The following CDH12 variants were observed in gnomAD, a reference collection of about 807,000 sequenced individuals.
The protein encoded by CDH12 is cadherin 12.
CDH12 carries 41 observed loss-of-function variants against 74.1 expected under a neutral mutation model. That is an observed-to-expected ratio of 0.55 (90% CI 0.43 to 0.72). CDH12 has a LOEUF of 0.72. Ranked by LOEUF, CDH12 falls within the 30% of genes least tolerant of loss-of-function variation. The pLI, the probability that CDH12 is intolerant of heterozygous loss-of-function variation, is 0.00. For missense variants in CDH12, 945 were observed against 977.2 expected (o/e 0.97, Z 0.44); for synonymous variants, 399 against 355.0 (o/e 1.12, Z -1.39).
intron 3 of CDH12, among the ~76,000 whole-genome samples, chr5:22,394,915 T>G (rs796126243): frequency 6.6e-6 from 1 of 152,126 alleles, no homozygotes; most frequent in South Asian, 2.1e-4. Context: ...GGATTTAGAC[T>G]TCCAAGTATG....
At chr5:22,831,350 T>TG (rs1491255386) in intron 1 of CDH12, among the ~76,000 whole-genome samples, 6,279 of 128,542 alleles carry the variant, frequency 0.049, 248 homozygotes, top group Admixed American at 0.13. Context: ...GGTTTTGGAG[T>TG]TTGTGTGTGT....
intron 9 of CDH12, among the ~76,000 whole-genome samples, chr5:21,812,860 G>T (rs1747826721): frequency 6.6e-6 from 1 of 152,038 alleles, no homozygotes; most frequent in Non-Finnish European, 1.5e-5. Context: ...TTAGCATAGG[G>T]GATTGCCTCT....
chr5:22,031,510 C>G (rs1240350034), intron 5 of CDH12, among the ~76,000 whole-genome samples: 2 of 152,132 alleles, frequency 1.3e-5, no homozygotes, highest in Admixed American at 6.6e-5. Context: ...TTTGCACTCA[C>G]AAGTTGGCTG....
chr5:22,610,959 C>A (rs777841497), intron 1 of CDH12, among the ~76,000 whole-genome samples: 1 of 152,064 alleles, frequency 6.6e-6, no homozygotes, highest in Admixed American at 6.6e-5. Context: ...CAACATGACA[C>A]TGAATTCAAA....
At chr5:22,026,305 C>T (rs1040573509) in intron 5 of CDH12, among the ~76,000 whole-genome samples, 1 of 152,114 alleles carries the variant, frequency 6.6e-6, no homozygotes, top group Non-Finnish European at 1.5e-5. Flanking sequence ...CTAATAAAGA[C>T]GGACTGCAGA....
At chr5:22,038,928 C>T (rs1348056336) in intron 5 of CDH12, among the ~76,000 whole-genome samples, 1 of 152,142 alleles carries the variant, frequency 6.6e-6, no homozygotes, top group Non-Finnish European at 1.5e-5. Flanking sequence ...ATTGGAGCTG[C>T]ACTGGCTTCC....
rs148585144 is a variant in CDH12, at chr5:22,305,605, T to G, written c.-332-92962A>C. On this transcript the variant is annotated intron_variant, in intron 3 of 14. Transcript: ENST00000382254. ...ATCTCCTCTATGATCAGTCACTGAATGCAGGCCGCCCTAGGGAAGGGCATA... is the reference window on the plus strand; with the variant it reads ...ATCTCCTCTATGATCAGTCACTGAAGGCAGGCCGCCCTAGGGAAGGGCATA... Among the ~76,000 whole-genome samples, 13 of 152,210 alleles carry G rather than the reference T, an allele frequency of 8.5e-5. No individual in the cohort carries two copies. The East Asian group carries it at 1.9e-3, about 23-fold the overall frequency.
chr5:22,339,564 T>C (rs1169261082), intron 3 of CDH12, among the ~76,000 whole-genome samples: 2 of 152,296 alleles, frequency 1.3e-5, no homozygotes, highest in Middle Eastern at 3.4e-3. Context: ...GAGAGAGATT[T>C]TTAGGGAACA....
chr5:22,020,080 T>A (rs997178771), intron 5 of CDH12, among the ~76,000 whole-genome samples: 1 of 152,176 alleles, frequency 6.6e-6, no homozygotes, highest in African/African-American at 2.4e-5. Context: ...AGTAGTTTGA[T>A]CTGATTAGAG....
intron 1 of CDH12, among the ~76,000 whole-genome samples, chr5:22,585,309 A>T (rs1740327833): frequency 6.6e-6 from 1 of 152,118 alleles, no homozygotes; most frequent in Non-Finnish European, 1.5e-5. Flanking sequence ...TTTTCTTGCT[A>T]TTTAAAAGAT....
Position 22,710,869 on chromosome 5 carries a change from C to A in CDH12, c.-523+142189G>T, listed in dbSNP as rs370061776. The stretch of plus-strand genomic sequence containing the variant: ...CATACAAAAATAGATTCGTGATGAC[C>A]TTATAGGATTCTTGTGAGGGTTCAA... On this transcript the variant is annotated intron_variant, in intron 1 of 14. Transcript: ENST00000382254. Among the ~76,000 whole-genome samples, 130 of 152,062 alleles carry A rather than the reference C, an allele frequency of 8.5e-4. 6 individuals are homozygous for A. In the South Asian group the frequency reaches 0.026, roughly 30 times the overall value.
At chr5:22,485,278 C>G (rs1004720418) in intron 2 of CDH12, among the ~76,000 whole-genome samples, 1 of 152,096 alleles carries the variant, frequency 6.6e-6, no homozygotes, top group Non-Finnish European at 1.5e-5. Flanking sequence ...AATTCCTGGG[C>G]TCAAGTGATC....
chr5:22,233,973 A>C lies in CDH12; in HGVS notation c.-332-21330T>G, dbSNP rs944161980. Among the ~76,000 whole-genome samples the C allele has an allele frequency of 2.0e-5, 3 of 152,284 alleles. No individual in the cohort carries two copies. The East Asian group carries it at 5.8e-4, about 29-fold the overall frequency. On this transcript the variant is annotated intron_variant, in intron 3 of 14. Transcript: ENST00000382254. The stretch of plus-strand genomic sequence containing the variant: ...TTAACTTATTATTATGATCAATTTG[A>C]ATTAGTTTATATAAAACAAAGGGCT...
intron 3 of CDH12, among the ~76,000 whole-genome samples, chr5:22,216,567 A>G (rs942860986): frequency 6.6e-6 from 1 of 151,870 alleles, no homozygotes; most frequent in African/African-American, 2.4e-5. Flanking sequence ...CTAATAACAA[A>G]TTGATCTTGC....
chr5:22,762,796 T>G (rs1179171158), intron 1 of CDH12, among the ~76,000 whole-genome samples: 1 of 152,032 alleles, frequency 6.6e-6, no homozygotes, highest in East Asian at 1.9e-4. Context: ...ATTAGGACCA[T>G]GGTTATCTTA....
chr5:21,885,663 C>A (rs1218845695), intron 6 of CDH12, among the ~76,000 whole-genome samples: 1 of 152,192 alleles, frequency 6.6e-6, no homozygotes, highest in Non-Finnish European at 1.5e-5. Context: ...TTTAAGCAGT[C>A]ATCCTTTGCC....
intron 1 of CDH12, among the ~76,000 whole-genome samples, chr5:22,736,694 A>G (rs546447812): frequency 6.6e-6 from 1 of 151,956 alleles, no homozygotes; most frequent in Admixed American, 6.6e-5. Flanking sequence ...CTGGCAATAC[A>G]ACCTGAAGGC....
intron 2 of CDH12, among the ~76,000 whole-genome samples, chr5:22,461,770 G>T (rs1745535101): frequency 6.8e-6 from 1 of 146,566 alleles, no homozygotes; most frequent in African/African-American, 2.5e-5. Context: ...CTTCAATTGT[G>T]GTCTCCTGGG....
At chr5:21,828,077 T>G (rs1245189594) in intron 8 of CDH12, among the ~76,000 whole-genome samples, 2 of 152,096 alleles carry the variant, frequency 1.3e-5, no homozygotes, top group East Asian at 1.9e-4. Flanking sequence ...TTTTCATAAA[T>G]TATAAATAAA....
Sources: gnomAD v4.1 joint callset for allele counts (sites outside exome capture counted in the v4.1 genomes callset) on GRCh38, gnomAD v4.1.1 for gene constraint, MANE v1.5 for transcripts, NCBI Gene and HGNC (gene_info 2026-07-23, HGNC 2026-07-21) for gene names.